ATP6V0D2: variants seen among roughly 807,000 people sequenced by gnomAD.
ATP6V0D2 encodes V-type proton ATPase subunit d 2.
In ATP6V0D2, 40 loss-of-function variants were observed where a neutral mutation model predicts 40.0. The observed-to-expected ratio is 1.00, with a 90% CI of 0.78 to 1.30. ATP6V0D2 has a LOEUF of 1.30. Ranked by LOEUF, ATP6V0D2 falls within the 50% of genes most tolerant of loss-of-function variation. The probability of loss-of-function intolerance (pLI) is 0.00; values close to 1 mark genes in which losing one functional copy is unlikely to be tolerated. For missense variants in ATP6V0D2, 470 were observed against 423.1 expected (o/e 1.11, Z -0.97); for synonymous variants, 179 against 156.3 (o/e 1.15, Z -1.08).
At chr8:86,119,582 A>G (rs1818642063) in intron 2 of ATP6V0D2, among the ~76,000 whole-genome samples, 1 of 152,190 alleles carries the variant, frequency 6.6e-6, no homozygotes, top group Non-Finnish European at 1.5e-5. Flanking sequence ...TAATTAAGCA[A>G]GCATCCTTAT....
At position 86,145,296 on chromosome 8, in the gene ATP6V0D2, A is replaced by G. The variant is rs1188157235; in HGVS notation, c.639+2342A>G. 6.2e-4 allele frequency among the ~76,000 whole-genome samples: 68 copies of G among 109,444 alleles called. 2 individuals carry two copies. Among genetic ancestry groups the G allele is most frequent in the South Asian group, 1.4e-3 (4 of 2,954 alleles). 71.8% of individuals were successfully genotyped at this position (109,444 alleles called of 152,430 possible). Reference sequence around the variant, plus strand: ...AAGAAAGAAAGAAAGAAAGAAAGAAAGAAAGAAAGAAAGAAAAGAAAGAAG... The same window carrying G: ...AAGAAAGAAAGAAAGAAAGAAAGAAGGAAAGAAAGAAAGAAAAGAAAGAAG... On this transcript the variant is annotated intron_variant, in intron 5 of 7. Coordinates refer to ENST00000285393, the MANE Select transcript of ATP6V0D2 (RefSeq NM_152565.1).
At chr8:86,141,312 T>G in intron 3 of ATP6V0D2, 138 bp from the exon 4 acceptor site, 1 of 569,260 alleles carries the variant, frequency 1.8e-6, no homozygotes, top group South Asian at 2.5e-5. Flanking sequence ...ATTAGCCCTA[T>G]TTAGTGGAGT....
intron 1 of ATP6V0D2, among the ~76,000 whole-genome samples, chr8:86,104,844 A>AACACACACACACACACAC (rs1376640050): frequency 1.6e-5 from 1 of 60,984 alleles, no homozygotes; most frequent in South Asian, 4.3e-4. Context: ...TCCTGTTTAA[A>AACACACACACACACACAC]ACACATACAC....
Position 86,115,358 on chromosome 8 carries a change from A to ATTTTTTTTTTTT in ATP6V0D2, c.302+1495_302+1506dup, listed in dbSNP as rs564384965. ...CTTTCTTTGTCCTTCCGTATCATCC[A>ATTTTTTTTTTTT]TTTTTTTTTTTTTTTTTTTTTTTTT... is the stretch of plus-strand genomic sequence containing the variant. On this transcript the variant is annotated intron_variant, in intron 2 of 7. Transcript: ENST00000285393. Among the ~76,000 whole-genome samples, 32 of 73,276 alleles carry ATTTTTTTTTTTT rather than the reference A, an allele frequency of 4.4e-4. 4 individuals are homozygous for ATTTTTTTTTTTT. The highest frequency in any genetic ancestry group is 1.3e-3 in the African/African-American group (23 of 17,844). The allele number at this position is 73,276 out of a possible 152,430, so 48.1% of individuals were successfully genotyped here.
chr8:86,133,885 A>G (rs74772427), intron 2 of ATP6V0D2, among the ~76,000 whole-genome samples: 1 of 152,270 alleles, frequency 6.6e-6, no homozygotes, highest in East Asian at 1.9e-4. Context: ...AGAAAAAAAG[A>G]AAGGTTGAAA....
chr8:86,131,661 C>T (rs974263986), intron 2 of ATP6V0D2, among the ~76,000 whole-genome samples: 1 of 151,710 alleles, frequency 6.6e-6, no homozygotes, highest in Non-Finnish European at 1.5e-5. Flanking sequence ...TCACCACGCC[C>T]AGCTAATTCT....
At chr8:86,139,915 C>T (rs1467769867) in intron 3 of ATP6V0D2, among the ~76,000 whole-genome samples, 1 of 152,178 alleles carries the variant, frequency 6.6e-6, no homozygotes, top group African/African-American at 2.4e-5. Flanking sequence ...TGGAGCTCAT[C>T]TCTCAACCTT....
intron 2 of ATP6V0D2, among the ~76,000 whole-genome samples, chr8:86,117,861 T>G (rs911947265): frequency 1.3e-5 from 2 of 151,800 alleles, no homozygotes; most frequent in Non-Finnish European, 2.9e-5. Context: ...TTGGCTGGAG[T>G]GGGTGTGCCA....
chr8:86,106,927 T>C (rs1202894295), intron 1 of ATP6V0D2, among the ~76,000 whole-genome samples: 1 of 151,956 alleles, frequency 6.6e-6, no homozygotes, highest in African/African-American at 2.4e-5. Context: ...TCCTAGCACT[T>C]TGGGAGGCCG....
intron 1 of ATP6V0D2, among the ~76,000 whole-genome samples, chr8:86,100,779 A>G (rs1818386381): frequency 6.6e-6 from 1 of 152,086 alleles, no homozygotes; most frequent in South Asian, 2.1e-4. Flanking sequence ...AATTCTATTT[A>G]GTTTTCAGCC....
chr8:86,144,849 A>T (rs900584356), intron 5 of ATP6V0D2, among the ~76,000 whole-genome samples: 12 of 151,562 alleles, frequency 7.9e-5, no homozygotes, highest in South Asian at 2.1e-4. Flanking sequence ...TTATTTTTTA[A>T]AAAAGTTTGA....
intron 2 of ATP6V0D2, among the ~76,000 whole-genome samples, chr8:86,124,916 C>T (rs1362111153): frequency 6.6e-6 from 1 of 152,132 alleles, no homozygotes; most frequent in Non-Finnish European, 1.5e-5. Flanking sequence ...CATACACATG[C>T]TCAAAAAATG....
At chr8:86,118,458 G>A (rs966085228) in intron 2 of ATP6V0D2, among the ~76,000 whole-genome samples, 10 of 151,984 alleles carry the variant, frequency 6.6e-5, no homozygotes, top group Non-Finnish European at 1.3e-4. Context: ...AAAACCTTAA[G>A]GAGAAACCCA....
chr8:86,142,075 A>G (rs952501690), intron 4 of ATP6V0D2, among the ~76,000 whole-genome samples: 13 of 152,182 alleles, frequency 8.5e-5, no homozygotes, highest in Non-Finnish European at 1.5e-5. Flanking sequence ...TATATACTTT[A>G]GGCTGAGCAA....
chr8:86,116,306 G>A (rs558945176), intron 2 of ATP6V0D2, among the ~76,000 whole-genome samples: 2 of 152,164 alleles, frequency 1.3e-5, no homozygotes, highest in East Asian at 3.9e-4. Flanking sequence ...TTATACAAAT[G>A]GAATCATATT....
chr8:86,145,890 C>A (rs1480422465), intron 5 of ATP6V0D2, among the ~76,000 whole-genome samples: 8 of 152,196 alleles, frequency 5.3e-5, no homozygotes, highest in Admixed American at 5.2e-4. Flanking sequence ...TAGATGCTAT[C>A]TTGAGTGCTT....
chr8:86,140,893 A>G (rs1818962250), intron 3 of ATP6V0D2, among the ~76,000 whole-genome samples: 1 of 152,178 alleles, frequency 6.6e-6, no homozygotes, highest in Non-Finnish European at 1.5e-5. Context: ...AACTCACCAT[A>G]ATGTAAAACC....
At chr8:86,105,435 A>G (rs1006188045) in intron 1 of ATP6V0D2, among the ~76,000 whole-genome samples, 1 of 151,788 alleles carries the variant, frequency 6.6e-6, no homozygotes, top group African/African-American at 2.4e-5. Flanking sequence ...AGTAGCTGGA[A>G]CTACAGGCAC....
intron 2 of ATP6V0D2, among the ~76,000 whole-genome samples, chr8:86,136,404 T>C (rs1000647732): frequency 2.0e-5 from 3 of 152,100 alleles, no homozygotes; most frequent in African/African-American, 7.2e-5. Flanking sequence ...GCTTTTACAT[T>C]GCAGGGGAGG....
Sources: allele counts gnomAD v4.1 joint callset (sites outside exome capture counted in the v4.1 genomes callset), GRCh38; gene constraint gnomAD v4.1.1; transcripts MANE v1.5; gene names NCBI Gene and HGNC (gene_info 2026-07-23, HGNC 2026-07-21).